The following SOAT1 variants were observed in gnomAD, a reference collection of about 807,000 sequenced individuals.
SOAT1 encodes acyl-coenzyme A:cholesterol acyltransferase 1.
Under a neutral mutation model 69.5 loss-of-function variants are expected in SOAT1, and 55 were observed. That is an observed-to-expected ratio of 0.79 (90% CI 0.64 to 0.99). The LOEUF is 0.99. Among genes scored for constraint, SOAT1 ranks in the 50% least tolerant of loss-of-function variants. The pLI, the probability that SOAT1 is intolerant of heterozygous loss-of-function variation, is 0.00. For synonymous variants in SOAT1, 231 were observed against 224.7 expected, an observed-to-expected ratio of 1.03 and a Z score of -0.25; for missense variants, 580 against 669.3, an observed-to-expected ratio of 0.87 and a Z score of 1.47.
chr1:179,317,401 C>A (rs376927654), intron 2 of SOAT1, among the ~76,000 whole-genome samples: 2 of 151,888 alleles, frequency 1.3e-5, no homozygotes, highest in African/African-American at 4.8e-5. Context: ...GGCGTGGTGG[C>A]GGGCGCCTGT....
At chr1:179,325,468 T>G (rs1217503882) in intron 3 of SOAT1, among the ~76,000 whole-genome samples, 1 of 152,136 alleles carries the variant, frequency 6.6e-6, no homozygotes, top group Non-Finnish European at 1.5e-5. Context: ...AAATTTTGTT[T>G]TTGTGGTTTA....
chr1:179,341,826 C>T (rs1037290290), intron 7 of SOAT1, among the ~76,000 whole-genome samples: 6 of 152,180 alleles, frequency 3.9e-5, no homozygotes, highest in Non-Finnish European at 8.8e-5. Context: ...AGCCACCGCG[C>T]CCGGCCACAT....
chr1:179,338,019 T>C, intron 5 of SOAT1, 123 bp downstream of exon 5: 1 of 569,376 alleles, frequency 1.8e-6, no homozygotes, highest in Non-Finnish European at 2.9e-6. Context: ...GTGGGTTTTT[T>C]TCTTCTATGC....
intron 2 of SOAT1, among the ~76,000 whole-genome samples, chr1:179,320,810 A>G (rs896172427): frequency 6.6e-6 from 1 of 152,042 alleles, no homozygotes; most frequent in African/African-American, 2.4e-5. Context: ...ATCTCAGCTC[A>G]CTGCAGCTTC....
intron 3 of SOAT1, among the ~76,000 whole-genome samples, chr1:179,324,190 A>G (rs1167342848): frequency 6.6e-6 from 1 of 152,250 alleles, no homozygotes; most frequent in East Asian, 1.9e-4. Context: ...ATGCATTTAT[A>G]GAATAATCTA....
intron 8 of SOAT1, among the ~76,000 whole-genome samples, 167 bp downstream of exon 8, chr1:179,342,359 G>A (rs6673354): frequency 0.49 from 71,379 of 144,958 alleles, 17,085 homozygotes; most frequent in Non-Finnish European, 0.51. Context: ...TTTTCTTTGT[G>A]TAATTTCATT....
rs928653109 is a variant in SOAT1, at chr1:179,355,230, A to G, written c.*1589A>G. 3 of 152,214 alleles carry G rather than the reference A, an allele frequency of 2.0e-5. No homozygotes were observed. The highest frequency in any genetic ancestry group is 6.5e-5 in the Admixed American group (1 of 15,278). 9.4% of individuals were successfully genotyped at this position (152,214 alleles called of 1,614,324 possible). A position where few individuals can be genotyped will look rare whatever the true frequency, so the allele number is the denominator to read the frequency against. On this transcript the variant is annotated 3_prime_UTR_variant, in exon 16 of 16. Coordinates refer to ENST00000367619, the MANE Select transcript of SOAT1 (RefSeq NM_003101.6). ...ACAACAGTATTGTAATTGTAATGGA[A>G]TCATAACCTGCTAACTAGTTTGCTT...
chr1:179,344,352 GGTTTTTTT>G lies in SOAT1; in HGVS notation c.988-594_988-587del, dbSNP rs1319924188. On this transcript the variant is annotated intron_variant, in intron 10 of 15. Coordinates refer to ENST00000367619, the MANE Select transcript of SOAT1 (RefSeq NM_003101.6). ...TATGAAGTAAGTTCTTTCATTAAGG[GGTTTTTTT>G]TTTTTTTTTTTTTTTTTTTTTTTTT... Among the ~76,000 whole-genome samples, 930 of 120,482 alleles carry G rather than the reference GGTTTTTTT, an allele frequency of 7.7e-3. 159 individuals carry two copies. The highest frequency in any genetic ancestry group is 0.017 in the African/African-American group (564 of 33,274). The allele number at this position is 120,482 out of a possible 152,430, so 79.0% of individuals were successfully genotyped here. A position where few individuals can be genotyped will look rare whatever the true frequency, so the allele number is the denominator to read the frequency against.
At chr1:179,308,813 CA>C (rs1325673763) in intron 2 of SOAT1, among the ~76,000 whole-genome samples, 6 of 148,630 alleles carry the variant, frequency 4.0e-5, no homozygotes, top group African/African-American at 1.2e-4. Context: ...CCTCAAGTAA[CA>C]TTTTTTTTTA....
At chr1:179,325,056 C>T (rs1176836055) in intron 3 of SOAT1, among the ~76,000 whole-genome samples, 2 of 151,942 alleles carry the variant, frequency 1.3e-5, no homozygotes, top group East Asian at 1.9e-4. Flanking sequence ...CTGCCTTGGC[C>T]TCCCAAAGTG....
At chr1:179,334,433 AGT>A (rs995458293) in intron 3 of SOAT1, among the ~76,000 whole-genome samples, 2 of 151,910 alleles carry the variant, frequency 1.3e-5, no homozygotes, top group African/African-American at 2.4e-5. Flanking sequence ...ATGTGGGGGG[AGT>A]GTGTGTTTTA....
At chr1:179,322,312 T>C (rs1338672843) in intron 2 of SOAT1, among the ~76,000 whole-genome samples, 1 of 152,194 alleles carries the variant, frequency 6.6e-6, no homozygotes, top group African/African-American at 2.4e-5. Context: ...GGCTTTTGTT[T>C]CTGCTGTTTC....
At chr1:179,301,043 C>G (rs1012417076) in intron 1 of SOAT1, among the ~76,000 whole-genome samples, 1 of 152,036 alleles carries the variant, frequency 6.6e-6, no homozygotes, top group South Asian at 2.1e-4. Context: ...TGCAGTGAGC[C>G]GAGATTGCAC....
chr1:179,339,966 A>G (rs1666279069), intron 6 of SOAT1, among the ~76,000 whole-genome samples: 2 of 152,308 alleles, frequency 1.3e-5, no homozygotes, highest in South Asian at 2.1e-4. Context: ...AAACACACAT[A>G]TAAGAATGGC....
intron 9 of SOAT1, 138 bp from the exon 10 acceptor site, chr1:179,343,452 C>G (rs1277897155): frequency 4.8e-6 from 3 of 618,856 alleles, no homozygotes; most frequent in Non-Finnish European, 8.4e-6. Flanking sequence ...GTCTCGAACT[C>G]CTGGTCACTG....
At chr1:179,346,703 C>T (rs925202466) in intron 11 of SOAT1, among the ~76,000 whole-genome samples, 7 of 152,148 alleles carry the variant, frequency 4.6e-5, no homozygotes, top group African/African-American at 1.4e-4. Flanking sequence ...CATTCTTCTG[C>T]ATTGTAGCAT....
intron 11 of SOAT1, among the ~76,000 whole-genome samples, chr1:179,346,880 G>A (rs1666549993): frequency 6.6e-6 from 1 of 151,918 alleles, no homozygotes; most frequent in South Asian, 2.1e-4. Context: ...AGTTCAGCCT[G>A]GGCAACATAG....
intron 3 of SOAT1, among the ~76,000 whole-genome samples, chr1:179,323,895 A>G (rs532490829): frequency 1.3e-5 from 2 of 152,220 alleles, no homozygotes; most frequent in East Asian, 1.9e-4. Context: ...TAACAACTCG[A>G]AAAAAAATCA....
rs746528285 is a variant in SOAT1 at position 179,302,813 on chromosome 1, AT to A, written c.118+23del. 96,096 of 1,098,500 alleles carry A rather than the reference AT, an allele frequency of 0.087. 1 individual carries two copies. Among genetic ancestry groups the A allele is most frequent in the South Asian group, 0.12 (6,790 of 56,472 alleles). The allele number at this position is 1,098,500 out of a possible 1,614,324, so 68.0% of individuals were successfully genotyped here. On this transcript the variant is annotated intron_variant, in intron 2 of 15. Coordinates refer to ENST00000367619, the MANE Select transcript of SOAT1 (RefSeq NM_003101.6). ...AGACACCTAGTAATGGTGAGGCTTA[AT>A]TTTTTTTTTTTAGGTGAATTAGTGA... is the stretch of plus-strand genomic sequence containing the variant.
Sources: allele counts gnomAD v4.1 joint callset (sites outside exome capture counted in the v4.1 genomes callset), GRCh38; gene constraint gnomAD v4.1.1; transcripts MANE v1.5; gene names NCBI Gene and HGNC (gene_info 2026-07-23, HGNC 2026-07-21).